GPR176: variants seen among roughly 807,000 people sequenced by gnomAD.
GPR176 encodes the protein G protein-coupled receptor 176, also known as G-protein coupled receptor 176.
Under a neutral mutation model 35.4 loss-of-function variants are expected in GPR176, and 26 were observed. The ratio of observed to expected loss-of-function variants is 0.74; its 90% confidence interval spans 0.54 to 1.02. GPR176 has a LOEUF of 1.02. GPR176 is among the 50% of genes least tolerant of loss of function. The pLI, the probability that GPR176 is intolerant of heterozygous loss-of-function variation, is 0.00. For synonymous variants in GPR176, 278 were observed against 271.3 expected (o/e 1.02, Z -0.24); for missense variants, 597 against 665.3 (o/e 0.90, Z 1.13).
chr15:39,898,185 T>C (rs2033175088), intron 1 of GPR176, among the ~76,000 whole-genome samples: 1 of 152,202 alleles, frequency 6.6e-6, no homozygotes. Flanking sequence ...TAACACACAA[T>C]GATAAACTAA....
intron 1 of GPR176, among the ~76,000 whole-genome samples, chr15:39,852,647 G>GCCACAA (rs1432409541): frequency 3.3e-5 from 5 of 152,118 alleles, no homozygotes; most frequent in African/African-American, 1.2e-4. Context: ...AACCAGCTAT[G>GCCACAA]CCACAAGTAT....
intron 1 of GPR176, among the ~76,000 whole-genome samples, chr15:39,844,415 G>T (rs1216567426): frequency 2.6e-5 from 4 of 152,004 alleles, no homozygotes; most frequent in Admixed American, 6.6e-5. Flanking sequence ...ATAGCTATCA[G>T]TTTAGCTATT....
chr15:39,818,728 T>C (rs770611377), intron 1 of GPR176, among the ~76,000 whole-genome samples: 1 of 152,206 alleles, frequency 6.6e-6, no homozygotes, highest in Non-Finnish European at 1.5e-5. Context: ...GGCTCTCTCA[T>C]GGAATTCACA....
At chr15:39,848,318 G>A (rs1455082035) in intron 1 of GPR176, among the ~76,000 whole-genome samples, 2 of 152,136 alleles carry the variant, frequency 1.3e-5, no homozygotes, top group Non-Finnish European at 2.9e-5. Context: ...AATGTGTGAT[G>A]CGAAAACTTA....
chr15:39,861,731 C>A (rs1237418417), intron 1 of GPR176, among the ~76,000 whole-genome samples: 1 of 152,122 alleles, frequency 6.6e-6, no homozygotes, highest in Non-Finnish European at 1.5e-5. Context: ...CAGTTCACAT[C>A]AGAGAGACAT....
intron 1 of GPR176, among the ~76,000 whole-genome samples, chr15:39,866,220 A>G (rs2140834007): frequency 6.6e-6 from 1 of 152,302 alleles, no homozygotes; most frequent in Admixed American, 6.5e-5. Context: ...AATGTATGGA[A>G]AGTGGATATC....
chr15:39,918,876 A>G (rs1403047501), intron 1 of GPR176, among the ~76,000 whole-genome samples: 1 of 152,260 alleles, frequency 6.6e-6, no homozygotes, highest in East Asian at 1.9e-4. Context: ...ATAGAAATTC[A>G]CAAGTGTCTA....
In GPR176 at chr15:39,919,885, G is replaced by A. The variant is rs755837176; in HGVS notation, c.142C>T (p.Gln48Ter). Reference protein sequence around the residue: ...QLYRQFTTTVQVVIFIGSLLG... With the variant: ...QLYRQFTTTV ...AGCGAGCCTATGAAGATGACGACCT[G>A]CACGGTGGTGGTGAACTGGCGGTAC... Residue 48 changes from glutamine (Q) to a stop codon, truncating the protein, a stop_gained, in exon 1 of 3, where the codon CAG (glutamine) becomes TAG (stop). Coordinates refer to ENST00000561100, the MANE Select transcript of GPR176 (RefSeq NM_007223.3). LOFTEE classifies it high-confidence loss of function. The A allele has an allele frequency of 2.7e-6, 4 of 1,504,528 alleles. No homozygotes were observed. Among genetic ancestry groups the A allele is most frequent in the Admixed American group, 2.4e-5 (1 of 42,360 alleles). 93.2% of individuals were successfully genotyped at this position (1,504,528 alleles called of 1,614,324 possible). A position where few individuals can be genotyped will look rare whatever the true frequency, so the allele number is the denominator to read the frequency against.
chr15:39,850,452 C>T (rs1352862765), intron 1 of GPR176, among the ~76,000 whole-genome samples: 1 of 152,102 alleles, frequency 6.6e-6, no homozygotes, highest in Non-Finnish European at 1.5e-5. Context: ...CAAAATAATG[C>T]TAGAAGTTCC....
At chr15:39,881,085 C>T (rs1247104343) in intron 1 of GPR176, among the ~76,000 whole-genome samples, 4 of 152,130 alleles carry the variant, frequency 2.6e-5, no homozygotes, top group Non-Finnish European at 5.9e-5. Context: ...CCTCCAGCCT[C>T]ACTTTTCACC....
chr15:39,844,805 C>T (rs1668172720), intron 1 of GPR176, among the ~76,000 whole-genome samples: 1 of 152,098 alleles, frequency 6.6e-6, no homozygotes, highest in African/African-American at 2.4e-5. Flanking sequence ...CTCTTCCCTC[C>T]TGACATCCAA....
At chr15:39,872,189 AG>A (rs2032067609) in intron 1 of GPR176, among the ~76,000 whole-genome samples, 1 of 82,486 alleles carries the variant, frequency 1.2e-5, no homozygotes, top group African/African-American at 4.4e-5. Context: ...GTTGTATAAT[AG>A]AGAGATAAAC....
chr15:39,809,620 G>C (rs985733782), intron 1 of GPR176, among the ~76,000 whole-genome samples: 2 of 152,074 alleles, frequency 1.3e-5, no homozygotes, highest in Non-Finnish European at 2.9e-5. Flanking sequence ...TCTAAGCTCT[G>C]GAACCATTCC....
intron 1 of GPR176, among the ~76,000 whole-genome samples, chr15:39,809,070 C>T (rs965906240): frequency 3.9e-5 from 6 of 152,192 alleles, no homozygotes; most frequent in Non-Finnish European, 7.4e-5. Flanking sequence ...GTTTTATTAG[C>T]ATTTACATGC....
intron 1 of GPR176, among the ~76,000 whole-genome samples, chr15:39,837,803 T>C (rs1258388435): frequency 6.6e-6 from 1 of 152,016 alleles, no homozygotes; most frequent in African/African-American, 2.4e-5. Context: ...GTATTTATCT[T>C]TGTCTTTTCA....
Position 39,801,336 on chromosome 15 carries a change from C to A in GPR176, c.1344G>T (p.Lys448Asn). Residue 448 changes from lysine to asparagine, a missense_variant, in exon 3 of 3, where the codon AAG (lysine) becomes AAT (asparagine). Lys to Asn is a moderately conservative substitution (Grantham distance 94, BLOSUM62 0). This residue lies in a region of GPR176 where 251 missense variants were observed against 255.4 expected (regional missense o/e 0.98). Coordinates refer to ENST00000561100, the MANE Select transcript of GPR176 (RefSeq NM_007223.3). ...APVEPETFPD[K>N]YSLQFGFGPF... is the part of the protein sequence containing the mutation. ...GCCCAAAGCCAAACTGCAGGGAATA[C>A]TTATCAGGGAATGTTTCAGGTTCCA... 6.2e-7 allele frequency: 1 copy of A among 1,614,136 alleles called. No homozygotes were observed. The highest frequency in any genetic ancestry group is 8.5e-7 in the Non-Finnish European group (1 of 1,179,992).
chr15:39,885,122 T>C (rs2032624286), intron 1 of GPR176, among the ~76,000 whole-genome samples: 1 of 152,176 alleles, frequency 6.6e-6, no homozygotes. Context: ...AATTGACTTA[T>C]GTTACCCATA....
chr15:39,808,764 A>T (rs1566935678), intron 1 of GPR176, among the ~76,000 whole-genome samples: 1 of 152,242 alleles, frequency 6.6e-6, no homozygotes, highest in Non-Finnish European at 1.5e-5. Flanking sequence ...GACACACGGT[A>T]ATCAAAAGTC....
Position 39,876,398 on chromosome 15 carries a change from G to A in GPR176, c.172+43457C>T, listed in dbSNP as rs139452288. Among the ~76,000 whole-genome samples the A allele has an allele frequency of 1.4e-3, 220 of 151,728 alleles. 6 individuals carry two copies. The East Asian group carries it at 0.041, about 28-fold the overall frequency. On this transcript the variant is annotated intron_variant, in intron 1 of 2. Transcript: ENST00000561100. ...TTGCTACTACCCTCTTGTGCACAGC[G>A]AACTAAGGCCTAATAAAATTGGATT... is the stretch of plus-strand genomic sequence containing the variant.
Sources: allele counts gnomAD v4.1 joint callset (sites outside exome capture counted in the v4.1 genomes callset), GRCh38; gene constraint gnomAD v4.1.1; regional missense constraint gnomAD v4.1.1; transcripts MANE v1.5; gene names NCBI Gene and HGNC (gene_info 2026-07-23, HGNC 2026-07-21).